The following EYS variants were observed in gnomAD, a reference collection of about 807,000 sequenced individuals.
EYS encodes the protein EGF-like photoreceptor maintenance factor.
Under a neutral mutation model 282.1 loss-of-function variants are expected in EYS, and 250 were observed. The observed-to-expected ratio is 0.89, with a 90% CI of 0.80 to 0.98. EYS has a LOEUF of 0.98. Ranked by LOEUF, EYS falls within the 50% of genes least tolerant of loss-of-function variation. EYS has a pLI of 0.00. For synonymous variants in EYS, 1,355 were observed against 1,282.9 expected (o/e 1.06, Z -1.20); for missense variants, 4,016 against 3,709.0 (o/e 1.08, Z -2.15).
At chr6:64,686,629 T>C (rs1350442899) in intron 22 of EYS, among the ~76,000 whole-genome samples, 3 of 148,900 alleles carry the variant, frequency 2.0e-5, no homozygotes, top group Non-Finnish European at 4.5e-5. Flanking sequence ...TAGTCCCAGC[T>C]ACTCGGGAGG....
At chr6:65,223,268 T>TA (rs1318114495) in intron 12 of EYS, among the ~76,000 whole-genome samples, 1 of 151,910 alleles carries the variant, frequency 6.6e-6, no homozygotes, top group Admixed American at 6.6e-5. Context: ...TCAGGAGGCT[T>TA]AAGCAGGAGA....
chr6:64,746,817 T>C (rs566263040), intron 22 of EYS, among the ~76,000 whole-genome samples: 1 of 152,380 alleles, frequency 6.6e-6, no homozygotes, highest in East Asian at 1.9e-4. Flanking sequence ...CTGTAGGTTG[T>C]CCAATGCCCT....
intron 37 of EYS, among the ~76,000 whole-genome samples, chr6:63,804,737 G>A (rs1770860924): frequency 6.6e-6 from 1 of 152,156 alleles, no homozygotes; most frequent in South Asian, 2.1e-4. Context: ...CATTCTAAGT[G>A]CAGTAAAAAG....
intron 41 of EYS, among the ~76,000 whole-genome samples, chr6:63,746,276 G>A (rs903374394): frequency 3.9e-5 from 6 of 152,176 alleles, no homozygotes; most frequent in African/African-American, 9.6e-5. Flanking sequence ...GGATGAAGCC[G>A]ACTTGATCAT....
chr6:65,251,588 T>A (rs1333743771), intron 12 of EYS, among the ~76,000 whole-genome samples: 2 of 152,166 alleles, frequency 1.3e-5, no homozygotes, highest in South Asian at 2.1e-4. Context: ...TCCACTCTAC[T>A]ATTTCTCACT....
chr6:64,817,653 T>C (rs559960297), intron 21 of EYS, among the ~76,000 whole-genome samples: 6 of 152,276 alleles, frequency 3.9e-5, no homozygotes, highest in Non-Finnish European at 8.8e-5. Flanking sequence ...CATGTTTATC[T>C]CCATAGGTGT....
At chr6:64,988,455 A>G (rs1344557476) in intron 14 of EYS, among the ~76,000 whole-genome samples, 1 of 151,456 alleles carries the variant, frequency 6.6e-6, no homozygotes, top group Non-Finnish European at 1.5e-5. Flanking sequence ...TGAGTTTCTT[A>G]CTCTATGAAA....
chr6:64,451,425 G>A (rs1482799116), intron 26 of EYS, among the ~76,000 whole-genome samples: 5 of 152,140 alleles, frequency 3.3e-5, no homozygotes, highest in South Asian at 2.1e-4. Flanking sequence ...AATTCTACCA[G>A]AGGTACAAGG....
chr6:64,582,648 A>G (rs1465024198), intron 26 of EYS, among the ~76,000 whole-genome samples: 1 of 151,742 alleles, frequency 6.6e-6, no homozygotes, highest in East Asian at 1.9e-4. Context: ...GTATTCAGCA[A>G]TGAAAATGAA....
Position 63,976,064 on chromosome 6 carries a change from T to A in EYS, c.7055+8319A>T, listed in dbSNP as rs1264180744. Among the ~76,000 whole-genome samples the A allele has an allele frequency of 2.0e-5, 3 of 151,954 alleles. No homozygotes were observed. The South Asian group carries it at 6.2e-4, about 31-fold the overall frequency. ...TGTAACACAGTGGTATTTGTGTATC[T>A]AAACATATAAAAGATGTATAAAAAT... On this transcript the variant is annotated intron_variant, in intron 35 of 42. Transcript: ENST00000503581.
chr6:64,586,634 T>A (rs1356909478), intron 26 of EYS, among the ~76,000 whole-genome samples: 1 of 152,028 alleles, frequency 6.6e-6, no homozygotes, highest in Non-Finnish European at 1.5e-5. Flanking sequence ...CAATTGAGTG[T>A]TAAAGTCTTT....
intron 33 of EYS, among the ~76,000 whole-genome samples, chr6:64,063,563 T>C (rs1341112408): frequency 6.6e-6 from 1 of 152,184 alleles, no homozygotes; most frequent in African/African-American, 2.4e-5. Flanking sequence ...TCCTCAATTA[T>C]TCCTTAACAT....
chr6:65,340,541 A>G (rs1770160485), intron 10 of EYS, among the ~76,000 whole-genome samples: 1 of 151,130 alleles, frequency 6.6e-6, no homozygotes, highest in South Asian at 2.1e-4. Context: ...AAAATAAGTT[A>G]TTTACAAAAA....
intron 39 of EYS, among the ~76,000 whole-genome samples, chr6:63,778,937 A>G (rs1259677170): frequency 6.6e-6 from 1 of 152,044 alleles, no homozygotes; most frequent in Non-Finnish European, 1.5e-5. Context: ...TTGGTCATTC[A>G]TAATTTATAT....
rs148957003 is a variant in EYS, at chr6:65,188,329, C to T, written c.2023+107534G>A. Among the ~76,000 whole-genome samples the T allele has an allele frequency of 8.3e-4, 126 of 151,662 alleles. 2 individuals carry two copies. The highest frequency in any genetic ancestry group is 2.8e-3 in the African/African-American group (116 of 41,464). On this transcript the variant is annotated intron_variant, in intron 12 of 42. Coordinates refer to ENST00000503581, the MANE Select transcript of EYS (RefSeq NM_001142800.2). Reference sequence around the variant, plus strand: ...TGGAAATAAAAAATAATCTTAAATGCATAAAATACTAATGAATACAATGTT... The same window carrying T: ...TGGAAATAAAAAATAATCTTAAATGTATAAAATACTAATGAATACAATGTT...
intron 8 of EYS, among the ~76,000 whole-genome samples, chr6:65,366,248 A>G (rs9445530): frequency 0.69 from 103,832 of 151,558 alleles, 35,834 homozygotes; most frequent in African/African-American, 0.72. Context: ...GAAAGTCTGC[A>G]GTTTCACTAA....
intron 19 of EYS, among the ~76,000 whole-genome samples, chr6:64,843,262 C>G (rs1293075259): frequency 6.6e-6 from 1 of 152,112 alleles, no homozygotes; most frequent in Non-Finnish European, 1.5e-5. Flanking sequence ...AGAACCCATA[C>G]TGCGGCACCA....
intron 33 of EYS, among the ~76,000 whole-genome samples, chr6:64,011,402 G>T (rs34088359): frequency 1.3e-5 from 2 of 151,996 alleles, no homozygotes; most frequent in Admixed American, 6.6e-5. Flanking sequence ...GTGAGAGGTA[G>T]GATGAAAAAA....
intron 12 of EYS, among the ~76,000 whole-genome samples, chr6:65,213,789 T>G (rs1194147195): frequency 6.6e-6 from 1 of 152,046 alleles, no homozygotes; most frequent in African/African-American, 2.4e-5. Context: ...GGCCTTTAAG[T>G]GTTCAAGTGA....
Sources: allele counts gnomAD v4.1 joint callset (sites outside exome capture counted in the v4.1 genomes callset), GRCh38; gene constraint gnomAD v4.1.1; transcripts MANE v1.5; gene names NCBI Gene and HGNC (gene_info 2026-07-23, HGNC 2026-07-21).